Variants in PSMA4 observed in about 807,000 individuals in gnomAD.
The protein encoded by PSMA4 is proteasome 20S subunit alpha 4.
Under a neutral mutation model 37.2 loss-of-function variants are expected in PSMA4, and 8 were observed. The observed-to-expected ratio is 0.22, with a 90% CI of 0.13 to 0.39. The LOEUF (loss-of-function observed/expected upper bound fraction) is 0.39, where lower values mean the gene tolerates loss of function less well. Among genes scored for constraint, PSMA4 ranks in the 10% least tolerant of loss-of-function variants. The pLI, the probability that PSMA4 is intolerant of heterozygous loss-of-function variation, is 1.00. For synonymous variants in PSMA4, 93 were observed against 98.8 expected, an observed-to-expected ratio of 0.94 and a Z score of 0.35; for missense variants, 169 against 305.1, an observed-to-expected ratio of 0.55 and a Z score of 3.32.
chr15:78,542,313 A>G, intron 3 of PSMA4, 94 bp downstream of exon 3: 3 of 1,427,162 alleles, frequency 2.1e-6, no homozygotes, highest in African/African-American at 1.4e-5. Flanking sequence ...GGTAGTTGCA[A>G]AGTTCATCCT....
intron 5 of PSMA4, 44 bp from the exon 6 acceptor site, chr15:78,544,825 G>C (rs1293453875): frequency 7.6e-7 from 1 of 1,321,476 alleles, no homozygotes; most frequent in Non-Finnish European, 1.1e-6. Flanking sequence ...GAGTCTGTCT[G>C]TGTTTTAGAG....
At position 78,549,683 on chromosome 15, in the gene PSMA4, A is replaced by G. The variant is rs2052616623; in HGVS notation, c.*739A>G. The G allele has an allele frequency of 6.6e-6, 1 of 152,258 alleles. No individual in the cohort carries two copies. The highest frequency in any genetic ancestry group is 1.5e-5 in the Non-Finnish European group (1 of 68,046). The allele number at this position is 152,258 out of a possible 1,614,324, so 9.4% of individuals were successfully genotyped here. A position where few individuals can be genotyped will look rare whatever the true frequency, so the allele number is the denominator to read the frequency against. On this transcript the variant is annotated 3_prime_UTR_variant, in exon 9 of 9. Transcript: ENST00000044462. ...GTCCCATCCCAGATCTACTGAATTA[A>G]AATCTCTGAGGGTGAAACCCAGTAA... is the stretch of plus-strand genomic sequence containing the variant.
At position 78,551,851 on chromosome 15, in the gene PSMA4, C is replaced by T. The variant is rs1402501672; in HGVS notation, c.*2907C>T. The T allele has an allele frequency of 6.6e-6, 1 of 152,154 alleles. No individual in the cohort carries two copies. The highest frequency in any genetic ancestry group is 1.5e-5 in the Non-Finnish European group (1 of 68,042). 9.4% of individuals were successfully genotyped at this position (152,154 alleles called of 1,614,324 possible). On this transcript the variant is annotated 3_prime_UTR_variant, in exon 9 of 9. Transcript: ENST00000044462. ...CATTTGCCTAAAGCTAGGACAACTT[C>T]TTCAAAGGCAATAGTGAATAAGAGA...
Position 78,542,559 on chromosome 15 carries a change from T to C in PSMA4, c.123T>C (p.Asp41=). 1 of 1,614,200 alleles carries C rather than the reference T, an allele frequency of 6.2e-7. No homozygotes were observed. The highest frequency in any genetic ancestry group is 8.5e-7 in the Non-Finnish European group (1 of 1,180,024). Residue 41 remains aspartate, a synonymous_variant, in exon 4 of 9, where the codon GAT becomes GAC. Coordinates refer to ENST00000044462, the MANE Select transcript of PSMA4 (RefSeq NM_002789.6). ...CCTGTTTGGGAATTTTAGCAAATGATGGTGTTTTGCTTGCAGCAGAGAGAC... is the reference window on the plus strand; with the variant it reads ...CCTGTTTGGGAATTTTAGCAAATGACGGTGTTTTGCTTGCAGCAGAGAGAC... ...AGTCLGILAN[D]GVLLAAERRN...
chr15:78,544,538 ATCC>A, intron 5 of PSMA4: 1 of 418,060 alleles, frequency 2.4e-6, no homozygotes, highest in South Asian at 3.3e-5. Flanking sequence ...TGACCTCGTG[ATCC>A]GCCTGCCTTG....
chr15:78,544,844 T>C (rs1188914316), intron 5 of PSMA4, 25 bp from the exon 6 acceptor site: 1 of 1,484,318 alleles, frequency 6.7e-7, no homozygotes, highest in Non-Finnish European at 9.4e-7. Context: ...AGAAAACTAC[T>C]AATGTGCCCA....
chr15:78,552,383 A>C lies in PSMA4; in HGVS notation c.*3439A>C, dbSNP rs2052653630. 1 of 152,212 alleles carries C rather than the reference A, an allele frequency of 6.6e-6. No homozygotes were observed. The highest frequency in any genetic ancestry group is 1.5e-5 in the Non-Finnish European group (1 of 68,036). 9.4% of individuals were successfully genotyped at this position (152,212 alleles called of 1,614,324 possible). A position where few individuals can be genotyped will look rare whatever the true frequency, so the allele number is the denominator to read the frequency against. ...ATTGATTTCATTTTGGTGAGCTTTC[A>C]AATCATGCTTTTAAAAATAAATTAT... On this transcript the variant is annotated 3_prime_UTR_variant, in exon 9 of 9. Transcript: ENST00000044462.
Position 78,549,017 on chromosome 15 carries a change from G to A in PSMA4, c.*73G>A. ...CAGTCCTACTCTTCCACACTAGGAA[G>A]GCTTTACTTTTTTTAACTGGTGCAG... On this transcript the variant is annotated 3_prime_UTR_variant, in exon 9 of 9. Coordinates refer to ENST00000044462, the MANE Select transcript of PSMA4 (RefSeq NM_002789.6). 12 of 1,493,860 alleles carry A rather than the reference G, an allele frequency of 8.0e-6. No individual in the cohort carries two copies. The highest frequency in any genetic ancestry group is 9.8e-6 in the Non-Finnish European group (11 of 1,125,620). The allele number at this position is 1,493,860 out of a possible 1,614,324, so 92.5% of individuals were successfully genotyped here.
rs887635067 is a variant in PSMA4 at position 78,550,189 on chromosome 15, T to G, written c.*1245T>G. The G allele has an allele frequency of 6.6e-6, 1 of 152,250 alleles. No homozygotes were observed. Among genetic ancestry groups the G allele is most frequent in the African/African-American group, 2.4e-5 (1 of 41,468 alleles). The allele number at this position is 152,250 out of a possible 1,614,324, so 9.4% of individuals were successfully genotyped here. On this transcript the variant is annotated 3_prime_UTR_variant, in exon 9 of 9. Coordinates refer to ENST00000044462, the MANE Select transcript of PSMA4 (RefSeq NM_002789.6). ...TAGAGAAAGTACTGGGTTAGGGTCCTACAAGCCACTGGTCACATTTTTATC... is the reference window on the plus strand; with the variant it reads ...TAGAGAAAGTACTGGGTTAGGGTCCGACAAGCCACTGGTCACATTTTTATC...
rs1486271675 is a variant in PSMA4 at position 78,552,417 on chromosome 15, A to G, written c.*3473A>G. 1 of 152,234 alleles carries G rather than the reference A, an allele frequency of 6.6e-6. No individual in the cohort carries two copies. The allele number at this position is 152,234 out of a possible 1,614,324, so 9.4% of individuals were successfully genotyped here. A position where few individuals can be genotyped will look rare whatever the true frequency, so the allele number is the denominator to read the frequency against. On this transcript the variant is annotated 3_prime_UTR_variant, in exon 9 of 9. Transcript: ENST00000044462. ...TTTTAAAAATAAATTATGTAAAAAA[A>G]TCATGTACTCCTGTGTATAATTTTA...
At chr15:78,541,216 T>C (rs1459896929) in intron 1 of PSMA4, 3 of 152,234 alleles carry the variant, frequency 2.0e-5, no homozygotes, top group Non-Finnish European at 4.4e-5. Flanking sequence ...ATTCCCTATA[T>C]TCCAGTATTT....
intron 2 of PSMA4, 108 bp from the exon 3 acceptor site, chr15:78,542,069 C>T (rs2052463270): frequency 6.9e-7 from 1 of 1,449,864 alleles, no homozygotes; most frequent in Non-Finnish European, 9.6e-7. Context: ...TTCCTCTCAC[C>T]TATTGAACTT....
At chr15:78,541,985 C>G (rs1240687625) in intron 2 of PSMA4, 55 bp downstream of exon 2, 1 of 1,569,126 alleles carries the variant, frequency 6.4e-7, no homozygotes, top group African/African-American at 1.4e-5. Flanking sequence ...ATTGCTTGTA[C>G]TCAGTTTACA....
At chr15:78,541,236 G>C (rs2052446041) in intron 1 of PSMA4, 1 of 152,044 alleles carries the variant, frequency 6.6e-6, no homozygotes, top group African/African-American at 2.4e-5. Flanking sequence ...TGGAAATGTG[G>C]GCCTTGGACT....
chr15:78,546,484 C>A, intron 7 of PSMA4, 91 bp from the exon 8 acceptor site: 3 of 1,193,834 alleles, frequency 2.5e-6, no homozygotes, highest in Non-Finnish European at 3.5e-6. Context: ...CTTGTAATGC[C>A]AATAATAATT....
At chr15:78,545,331 C>T (rs28498264) in intron 6 of PSMA4, among the ~76,000 whole-genome samples, 39,910 of 152,134 alleles carry the variant, frequency 0.26, 5,914 homozygotes, top group Admixed American at 0.45. Flanking sequence ...AGATTACCCT[C>T]GTTTTATTAA....
chr15:78,543,163 G>A (rs1166994211), intron 4 of PSMA4, among the ~76,000 whole-genome samples: 1 of 152,210 alleles, frequency 6.6e-6, no homozygotes, highest in African/African-American at 2.4e-5. Context: ...TGTGTGAAAT[G>A]TTTGTTATAT....
rs2052652494 is a variant in PSMA4 at position 78,552,250 on chromosome 15, G to C, written c.*3306G>C. The C allele has an allele frequency of 6.6e-6, 1 of 152,170 alleles. No homozygotes were observed. The highest frequency in any genetic ancestry group is 1.5e-5 in the Non-Finnish European group (1 of 68,046). 9.4% of individuals were successfully genotyped at this position (152,170 alleles called of 1,614,324 possible). On this transcript the variant is annotated 3_prime_UTR_variant, in exon 9 of 9. Coordinates refer to ENST00000044462, the MANE Select transcript of PSMA4 (RefSeq NM_002789.6). ...TCATTAATCTGAGCAAAACTCATGG[G>C]TTTTCACAGGGACCCTACCAGCTCA...
intron 6 of PSMA4, 42 bp downstream of exon 6, chr15:78,544,999 CATTTT>C (rs1216689783): frequency 1.4e-6 from 2 of 1,427,354 alleles, no homozygotes; most frequent in South Asian, 2.5e-5. Context: ...AAAGTTAAGA[CATTTT>C]ATGAGTTATA....
Sources: gnomAD v4.1 joint callset for allele counts (sites outside exome capture counted in the v4.1 genomes callset) on GRCh38, gnomAD v4.1.1 for gene constraint, MANE v1.5 for transcripts, NCBI Gene and HGNC (gene_info 2026-07-23, HGNC 2026-07-21) for gene names.